ZNF600: variants seen among roughly 807,000 people sequenced by gnomAD.
ZNF600 encodes the protein zinc finger protein KR-ZNF1.
A neutral mutation model predicts 7.3 loss-of-function variants in ZNF600; 4 were observed. The ratio of observed to expected loss-of-function variants is 0.55; its 90% CI spans 0.27 to 1.25. The LOEUF (loss-of-function observed/expected upper bound fraction) is 1.25. Ranked by LOEUF, ZNF600 falls within the 50% of genes most tolerant of loss-of-function variation. ZNF600 has a pLI of 0.12. For synonymous variants in ZNF600, 290 were observed against 308.9 expected (o/e 0.94, Z 0.64); for missense variants, 911 against 922.1 (o/e 0.99, Z 0.16).
chr19:52,810,550 C>A, the ZNF600 span: 1 of 1,595,290 alleles, frequency 6.3e-7, no homozygotes. Flanking sequence ...GACCAGGCAT[C>A]AGCACAACAG....
At chr19:52,831,796 T>A in the ZNF600 span, among the ~76,000 whole-genome samples, 50,597 of 151,512 alleles carry the variant, frequency 0.33, 8,683 homozygotes, top group South Asian at 0.51. Flanking sequence ...GTGCCACTGC[T>A]CCCATCCTAA....
At chr19:52,768,169 G>T (rs1443593453) in intron 3 of ZNF600, among the ~76,000 whole-genome samples, 1 of 149,214 alleles carries the variant, frequency 6.7e-6, no homozygotes, top group African/African-American at 2.5e-5. Flanking sequence ...AAAAAACAAA[G>T]AAACCCACAC....
the ZNF600 span, among the ~76,000 whole-genome samples, chr19:52,811,749 C>T: frequency 2.3e-4 from 34 of 147,140 alleles, no homozygotes; most frequent in African/African-American, 5.3e-5. Context: ...CCGCCCCGTC[C>T]GGGAGGGAGG....
At chr19:52,773,406 C>T (rs1351021199) in intron 3 of ZNF600, among the ~76,000 whole-genome samples, 4 of 152,194 alleles carry the variant, frequency 2.6e-5, no homozygotes, top group East Asian at 3.9e-4. Flanking sequence ...AAATTAAATG[C>T]CTCTGATTTC....
At chr19:52,770,086 T>G (rs2062619468) in intron 3 of ZNF600, among the ~76,000 whole-genome samples, 1 of 152,156 alleles carries the variant, frequency 6.6e-6, no homozygotes, top group African/African-American at 2.4e-5. Flanking sequence ...CTGAAATACA[T>G]GTTAAGATCA....
At chr19:52,782,522 C>CAA (rs112059475) in intron 1 of ZNF600, among the ~76,000 whole-genome samples, 4 of 126,080 alleles carry the variant, frequency 3.2e-5, no homozygotes, top group African/African-American at 1.1e-4. Context: ...AAACTGCATC[C>CAA]AAAAAAAAAA....
At chr19:52,808,513 T>C in the ZNF600 span, among the ~76,000 whole-genome samples, 3 of 151,988 alleles carry the variant, frequency 2.0e-5, no homozygotes, top group East Asian at 5.8e-4. Flanking sequence ...GACACATGTC[T>C]GTAATCCCAG....
chr19:52,804,743 G>A, the ZNF600 span, among the ~76,000 whole-genome samples: 14 of 152,244 alleles, frequency 9.2e-5, 1 homozygote, highest in South Asian at 2.5e-3. Flanking sequence ...GACCTCAAGC[G>A]ATCTACCCAC....
At chr19:52,813,130 G>A in the ZNF600 span, among the ~76,000 whole-genome samples, 2 of 151,040 alleles carry the variant, frequency 1.3e-5, no homozygotes, top group Non-Finnish European at 2.9e-5. Context: ...CAATACTTTT[G>A]CATGTATTTA....
upstream of ZNF600, among the ~76,000 whole-genome samples, chr19:52,788,631 G>C (rs1165109437): frequency 2.0e-5 from 3 of 152,076 alleles, no homozygotes; most frequent in African/African-American, 7.2e-5. Flanking sequence ...TCCTGCAAAA[G>C]TCCACACACA....
At chr19:52,820,904 C>T in the ZNF600 span, among the ~76,000 whole-genome samples, 1 of 151,846 alleles carries the variant, frequency 6.6e-6, no homozygotes, top group Non-Finnish European at 1.5e-5. Flanking sequence ...TCTCTTAGTC[C>T]CTCTCTCTGT....
chr19:52,800,857 T>TA, the ZNF600 span: 14 of 1,614,094 alleles, frequency 8.7e-6, no homozygotes, highest in Admixed American at 2.3e-4. Flanking sequence ...TCACAAACCT[T>TA]ACATTTGTAT....
At chr19:52,780,623 G>C (rs1195778466) in intron 1 of ZNF600, 2 of 152,122 alleles carry the variant, frequency 1.3e-5, no homozygotes, top group African/African-American at 2.4e-5. Context: ...AGCTACTCGG[G>C]AGTCTGAGGA....
upstream of ZNF600, among the ~76,000 whole-genome samples, chr19:52,788,519 T>C (rs574057301): frequency 0.013 from 2,034 of 152,202 alleles, 23 homozygotes; most frequent in Non-Finnish European, 0.02. Context: ...GGGATAAAGA[T>C]GGTTCTCTGC....
chr19:52,787,206 C>A (rs1323828685), upstream of ZNF600, among the ~76,000 whole-genome samples: 2 of 152,106 alleles, frequency 1.3e-5, no homozygotes, highest in Non-Finnish European at 2.9e-5. Context: ...GAGCTCAGGC[C>A]AGGGAGGAGT....
chr19:52,795,940 C>T, the ZNF600 span, among the ~76,000 whole-genome samples: 1 of 151,856 alleles, frequency 6.6e-6, no homozygotes, highest in Non-Finnish European at 1.5e-5. Context: ...TTTGGGAGGC[C>T]GATGCAGCTG....
chr19:52,787,607 T>C (rs540276817), upstream of ZNF600, among the ~76,000 whole-genome samples: 29 of 151,028 alleles, frequency 1.9e-4, no homozygotes, highest in South Asian at 1.9e-3. Context: ...ACCTGTAATC[T>C]CAGCACTTTG....
At chr19:52,764,193 TG>T (rs1471788930), downstream of ZNF600, 1 of 151,730 alleles carries the variant, frequency 6.6e-6, no homozygotes, top group Non-Finnish European at 1.5e-5. Context: ...GCATTTTTAA[TG>T]TTTTTTTTTA....
the ZNF600 span, among the ~76,000 whole-genome samples, chr19:52,825,596 C>A: frequency 2.6e-5 from 4 of 152,044 alleles, no homozygotes; most frequent in African/African-American, 4.8e-5. Context: ...TCATTTGAAC[C>A]CATGAAGCAG....
Sources: gnomAD v4.1 joint callset for allele counts (sites outside exome capture counted in the v4.1 genomes callset) on GRCh38, gnomAD v4.1.1 for gene constraint, MANE v1.5 for transcripts, NCBI Gene and HGNC (gene_info 2026-07-23, HGNC 2026-07-21) for gene names.